The following CALN1 variants were observed in gnomAD, a reference collection of about 807,000 sequenced individuals.
CALN1 encodes calneuron 1, also known as calcium-binding protein 8.
In CALN1, 17 loss-of-function variants were observed where a neutral mutation model predicts 30.6. That is an observed-to-expected ratio of 0.56 (90% CI 0.38 to 0.83). The LOEUF (loss-of-function observed/expected upper bound fraction) is 0.83. Ranked by LOEUF, CALN1 falls within the 40% of genes least tolerant of loss-of-function variation. The pLI is 0.00. For synonymous variants in CALN1, 156 were observed against 131.4 expected, an observed-to-expected ratio of 1.19 and a Z score of -1.28; for missense variants, 291 against 354.9, an observed-to-expected ratio of 0.82 and a Z score of 1.45.
At chr7:72,121,258 A>T (rs1396031708) in intron 3 of CALN1, among the ~76,000 whole-genome samples, 1 of 137,846 alleles carries the variant, frequency 7.3e-6, no homozygotes, top group Non-Finnish European at 1.5e-5. Flanking sequence ...ATACATATCT[A>T]TTATATATCT....
At chr7:72,314,354 T>TATACAC (rs1800270083) in intron 2 of CALN1, among the ~76,000 whole-genome samples, 1 of 80,984 alleles carries the variant, frequency 1.2e-5, no homozygotes, top group Non-Finnish European at 2.1e-5. Flanking sequence ...TATATACATA[T>TATACAC]ATATACATAT....
intron 2 of CALN1, among the ~76,000 whole-genome samples, chr7:72,316,828 C>T (rs1282511815): frequency 2.0e-5 from 3 of 151,710 alleles, no homozygotes; most frequent in African/African-American, 7.3e-5. Context: ...GCGTGTAGTC[C>T]CAGCTATTCT....
At chr7:72,104,521 C>A (rs1286508928) in intron 4 of CALN1, among the ~76,000 whole-genome samples, 1 of 152,092 alleles carries the variant, frequency 6.6e-6, no homozygotes, top group Non-Finnish European at 1.5e-5. Context: ...AGCCCAGCAC[C>A]CATTAGCTAT....
chr7:72,450,455 A>G (rs190232210), upstream of CALN1, among the ~76,000 whole-genome samples: 9 of 152,332 alleles, frequency 5.9e-5, no homozygotes, highest in East Asian at 1.7e-3. Context: ...ACTCAGGTCA[A>G]CAGAGGATGG....
chr7:71,927,391 A>G (rs35956175), intron 5 of CALN1, among the ~76,000 whole-genome samples: 30,130 of 151,772 alleles, frequency 0.2, 3,089 homozygotes, highest in Non-Finnish European at 0.23. Flanking sequence ...TCTATTTTCA[A>G]TACAGATGGG....
chr7:72,409,278 G>A (rs887639891), intron 1 of CALN1, among the ~76,000 whole-genome samples: 3 of 151,960 alleles, frequency 2.0e-5, no homozygotes, highest in African/African-American at 7.2e-5. Context: ...ACAGGCAGAA[G>A]CCACTGCACC....
intron 1 of CALN1, among the ~76,000 whole-genome samples, chr7:72,444,538 C>T (rs111403456): frequency 3.9e-5 from 6 of 152,270 alleles, no homozygotes; most frequent in African/African-American, 1.2e-4. Flanking sequence ...GTTGTTTCCA[C>T]GCCATGCCAG....
intron 5 of CALN1, among the ~76,000 whole-genome samples, chr7:71,974,331 T>C (rs1012314049): frequency 2.0e-5 from 3 of 146,490 alleles, no homozygotes; most frequent in African/African-American, 7.7e-5. Context: ...GGCAGGAGAA[T>C]TGCTTGAACT....
chr7:72,116,905 C>T (rs1808023842), intron 3 of CALN1, among the ~76,000 whole-genome samples: 1 of 152,134 alleles, frequency 6.6e-6, no homozygotes, highest in South Asian at 2.1e-4. Flanking sequence ...TAATTTTATA[C>T]ATTTTAGGGA....
intron 5 of CALN1, among the ~76,000 whole-genome samples, chr7:71,856,207 A>C (rs1562844251): frequency 6.6e-6 from 1 of 151,510 alleles, no homozygotes; most frequent in Non-Finnish European, 1.5e-5. Flanking sequence ...ATATACATAT[A>C]TATTTATAAA....
At chr7:72,015,977 G>A (rs544497592) in intron 5 of CALN1, among the ~76,000 whole-genome samples, 7 of 152,186 alleles carry the variant, frequency 4.6e-5, no homozygotes, top group Admixed American at 3.9e-4. Context: ...GGCCAGGCAC[G>A]GTGGCTCACA....
At chr7:72,318,306 G>A (rs368716695) in intron 2 of CALN1, among the ~76,000 whole-genome samples, 108 of 131,480 alleles carry the variant, frequency 8.2e-4, no homozygotes, top group Admixed American at 2.3e-3. Context: ...CTCATTTGAC[G>A]CACTTTCATT....
chr7:71,790,809 T>G (rs1793337730), intron 6 of CALN1, among the ~76,000 whole-genome samples: 1 of 152,116 alleles, frequency 6.6e-6, no homozygotes, highest in Admixed American at 6.6e-5. Flanking sequence ...AGACATCCAC[T>G]CGGGAGTTTC....
chr7:72,454,762 C>T, the CALN1 span, among the ~76,000 whole-genome samples: 1 of 152,056 alleles, frequency 6.6e-6, no homozygotes, highest in African/African-American at 2.4e-5. Context: ...AAATACGGCC[C>T]TCAGCTGTCT....
intron 4 of CALN1, among the ~76,000 whole-genome samples, chr7:72,032,024 G>A (rs113778642): frequency 0.12 from 18,210 of 148,130 alleles, 1,417 homozygotes; most frequent in Middle Eastern, 0.2. Context: ...TGGGATTACA[G>A]GCGTGAGCCA....
intron 5 of CALN1, among the ~76,000 whole-genome samples, chr7:71,920,586 C>T (rs1342013502): frequency 1.3e-5 from 2 of 152,128 alleles, no homozygotes; most frequent in East Asian, 3.9e-4. Context: ...CCGACTGCCT[C>T]AGCCTCCCAA....
intron 2 of CALN1, among the ~76,000 whole-genome samples, chr7:72,393,314 A>C (rs2129561534): frequency 6.6e-6 from 1 of 152,100 alleles, no homozygotes; most frequent in Non-Finnish European, 1.5e-5. Context: ...AATACAAGAA[A>C]TTAGCCGGGC....
At chr7:72,298,463 A>G (rs117893767) in intron 2 of CALN1, among the ~76,000 whole-genome samples, 39 of 152,292 alleles carry the variant, frequency 2.6e-4, no homozygotes, top group Non-Finnish European at 5.0e-4. Flanking sequence ...TCTAACTCAT[A>G]GAGTAACTAA....
chr7:72,149,809 C>A (rs1185830503), intron 3 of CALN1, among the ~76,000 whole-genome samples: 1 of 152,084 alleles, frequency 6.6e-6, no homozygotes, highest in African/African-American at 2.4e-5. Flanking sequence ...CTAACAGGCA[C>A]TGCTATAGGA....
Sources: allele counts gnomAD v4.1 joint callset (sites outside exome capture counted in the v4.1 genomes callset), GRCh38; gene constraint gnomAD v4.1.1; transcripts MANE v1.5; gene names NCBI Gene and HGNC (gene_info 2026-07-23, HGNC 2026-07-21).